The following OIT3 variants were observed in gnomAD, a reference collection of about 807,000 sequenced individuals.
OIT3 encodes the protein oncoprotein induced transcript 3, also known as oncoprotein-induced transcript 3 protein.
A neutral mutation model predicts 52.2 loss-of-function variants in OIT3; 41 were observed. That is an observed-to-expected ratio of 0.79 (90% CI 0.61 to 1.02). The LOEUF (loss-of-function observed/expected upper bound fraction) is 1.02, where lower values mean the gene tolerates loss of function less well. OIT3 is among the 50% of genes least tolerant of loss of function. The probability of loss-of-function intolerance (pLI) is 0.00; values close to 1 mark genes in which losing one functional copy is unlikely to be tolerated. For missense variants in OIT3, 634 were observed against 715.5 expected (o/e 0.89, Z 1.30); for synonymous variants, 244 against 276.9 (o/e 0.88, Z 1.18).
chr10:72,893,754 G>A lies in OIT3; in HGVS notation c.-45G>A, dbSNP rs765274791. The A allele has an allele frequency of 5.2e-6, 8 of 1,544,400 alleles. No homozygotes were observed. The highest frequency in any genetic ancestry group is 7.1e-6 in the Non-Finnish European group (8 of 1,129,982). On this transcript the variant is annotated 5_prime_UTR_variant, in exon 1 of 9. Coordinates refer to ENST00000334011, the MANE Select transcript of OIT3 (RefSeq NM_152635.3). ...AAGAGAAGGGGACAAAGGAACACCA[G>A]TATTAAGAGGATTTTCCAGTGTTTC...
intron 6 of OIT3, 57 bp downstream of exon 6, chr10:72,913,525 C>G: frequency 7.2e-7 from 1 of 1,397,006 alleles, no homozygotes; most frequent in Non-Finnish European, 1.0e-6. Flanking sequence ...ATTTGGGAGG[C>G]AGTGGACAGA....
At chr10:72,930,681 T>G in intron 8 of OIT3, 44 bp downstream of exon 8, 1 of 280,650 alleles carries the variant, frequency 3.6e-6, no homozygotes, top group Non-Finnish European at 5.9e-6. Context: ...ACCTGAGCCT[T>G]TTTTTTTTTT....
In OIT3 at chr10:72,932,467, C is replaced by T. The variant is rs199592290; in HGVS notation, c.1581C>T (p.Ala527=). Residue 527 remains alanine (A), a synonymous_variant, in exon 9 of 9, where the codon GCC becomes GCT. Transcript: ENST00000334011. ...GTGGGGCAGGAGGAGAGGACTCAGC[C>T]GGTCTACAGGGCCAGACGCTAACAG... ...MRRGAGGEDS[A]GLQGQTLTGG... is the part of the protein sequence containing the mutation. 74 of 1,613,928 alleles carry T rather than the reference C, an allele frequency of 4.6e-5. No homozygotes were observed. Among genetic ancestry groups the T allele is most frequent in the East Asian group, 6.7e-5 (3 of 44,876 alleles).
At chr10:72,904,686 G>C (rs1845963386) in intron 3 of OIT3, among the ~76,000 whole-genome samples, 4 of 151,914 alleles carry the variant, frequency 2.6e-5, no homozygotes, top group Admixed American at 2.6e-4. Flanking sequence ...GGATAATTCT[G>C]TTATCTCCAG....
intron 1 of OIT3, among the ~76,000 whole-genome samples, chr10:72,894,208 A>G (rs971310353): frequency 1.3e-5 from 2 of 152,142 alleles, no homozygotes; most frequent in African/African-American, 4.8e-5. Context: ...AAAGTTGAGC[A>G]TAGAATTTTT....
intron 4 of OIT3, among the ~76,000 whole-genome samples, chr10:72,908,651 G>C (rs1476993646): frequency 6.6e-6 from 1 of 151,900 alleles, no homozygotes; most frequent in African/African-American, 2.4e-5. Flanking sequence ...AATAATCTTT[G>C]TATATTTGAA....
intron 2 of OIT3, among the ~76,000 whole-genome samples, 200 bp from the exon 3 acceptor site, chr10:72,900,177 C>G (rs1410883354): frequency 6.6e-6 from 1 of 152,140 alleles, no homozygotes; most frequent in East Asian, 1.9e-4. Context: ...AGAGGGTCAG[C>G]TGGATGCAGT....
rs755445283 is a variant in OIT3, at chr10:72,911,880, C to T, written c.790+41C>T. 9 of 1,561,746 alleles carry T rather than the reference C, an allele frequency of 5.8e-6. No homozygotes were observed. In the Admixed American group the frequency reaches 9.5e-5, roughly 17 times the overall value. ...GGGGGACTTGTCTCTACTCTGATTA[C>T]ACTTCTTCCTCTCCCAAAGCTCTTT... On this transcript the variant is annotated intron_variant, in intron 5 of 8. Transcript: ENST00000334011.
chr10:72,918,708 A>G (rs887589160), intron 6 of OIT3, among the ~76,000 whole-genome samples: 3 of 152,186 alleles, frequency 2.0e-5, no homozygotes, highest in Admixed American at 2.0e-4. Context: ...AATTTTCTGC[A>G]TATGGTTAGC....
chr10:72,902,948 C>A (rs918955605), intron 3 of OIT3, among the ~76,000 whole-genome samples: 2 of 152,146 alleles, frequency 1.3e-5, no homozygotes, highest in African/African-American at 4.8e-5. Context: ...TCATTCACAT[C>A]TCTTCCTTAA....
chr10:72,930,303 C>A (rs1018233857), intron 7 of OIT3, among the ~76,000 whole-genome samples: 8 of 152,124 alleles, frequency 5.3e-5, no homozygotes, highest in African/African-American at 1.9e-4. Context: ...GCCCTGGTGC[C>A]CAGTTTGTGG....
chr10:72,901,180 T>A (rs966513701), intron 3 of OIT3, among the ~76,000 whole-genome samples: 3 of 152,168 alleles, frequency 2.0e-5, no homozygotes, highest in African/African-American at 7.2e-5. Flanking sequence ...AGTTTATTTT[T>A]AAAAAATTTT....
At chr10:72,930,007 A>G (rs960130673) in intron 7 of OIT3, among the ~76,000 whole-genome samples, 6 of 152,222 alleles carry the variant, frequency 3.9e-5, no homozygotes, top group African/African-American at 7.2e-5. Context: ...CTTTTACCCA[A>G]TAGAACCAGT....
chr10:72,897,455 A>G (rs1053546828), intron 1 of OIT3, among the ~76,000 whole-genome samples: 1 of 152,260 alleles, frequency 6.6e-6, no homozygotes, highest in East Asian at 1.9e-4. Flanking sequence ...TAGTAATGCC[A>G]TGGTTAACTG....
chr10:72,909,098 C>T (rs1347222997), intron 4 of OIT3, among the ~76,000 whole-genome samples: 2 of 148,366 alleles, frequency 1.3e-5, no homozygotes, highest in South Asian at 2.1e-4. Context: ...CTCCTCCTAC[C>T]TTTTGGAGTT....
chr10:72,896,655 TAGATTGGAAAAATCTAA>T (rs2132920842), intron 1 of OIT3, among the ~76,000 whole-genome samples: 1 of 152,362 alleles, frequency 6.6e-6, no homozygotes, highest in African/African-American at 2.4e-5. Flanking sequence ...TGTGGATATG[TAGATTGGAAAAATCTAA>T]AGTATTTTCT....
intron 1 of OIT3, among the ~76,000 whole-genome samples, chr10:72,895,797 T>C (rs894004672): frequency 6.6e-6 from 1 of 152,140 alleles, no homozygotes; most frequent in Non-Finnish European, 1.5e-5. Flanking sequence ...TAGCAAACCA[T>C]TGAGGAGCTT....
chr10:72,930,515 T>C (rs926970227), intron 7 of OIT3, 23 bp from the exon 8 acceptor site: 2 of 1,526,134 alleles, frequency 1.3e-6, no homozygotes, highest in African/African-American at 1.4e-5. Flanking sequence ...TCAAGTCTTA[T>C]GTGCTATCTG....
chr10:72,924,683 C>T (rs147893832), intron 7 of OIT3, 39 bp downstream of exon 7: 9 of 1,492,736 alleles, frequency 6.0e-6, no homozygotes, highest in African/African-American at 1.4e-5. Context: ...ACCCCTAGTT[C>T]ACATCCGGCC....
Sources: gnomAD v4.1 joint callset for allele counts (sites outside exome capture counted in the v4.1 genomes callset) on GRCh38, gnomAD v4.1.1 for gene constraint, MANE v1.5 for transcripts, NCBI Gene and HGNC (gene_info 2026-07-23, HGNC 2026-07-21) for gene names.